The following GLIS3 variants were observed in gnomAD, a reference collection of about 807,000 sequenced individuals.
The protein encoded by GLIS3 is GLIS family zinc finger 3.
Under a neutral mutation model 78.6 loss-of-function variants are expected in GLIS3, and 53 were observed. The ratio of observed to expected loss-of-function variants is 0.67; its 90% CI spans 0.54 to 0.85. The LOEUF is 0.85. Among genes scored for constraint, GLIS3 ranks in the 40% least tolerant of loss-of-function variants. The pLI is 0.00. For synonymous variants in GLIS3, 684 were observed against 509.9 expected (o/e 1.34, Z -4.60); for missense variants, 1,703 against 1,231.1 (o/e 1.38, Z -5.74).
intron 4 of GLIS3, among the ~76,000 whole-genome samples, chr9:3,940,645 A>C (rs1815817278): frequency 1.3e-5 from 2 of 152,174 alleles, no homozygotes; most frequent in Non-Finnish European, 2.9e-5. Flanking sequence ...GAGAAACGTG[A>C]ACCAACAAAC....
chr9:3,936,871 G>T (rs1167442384), intron 5 of GLIS3, among the ~76,000 whole-genome samples, 157 bp downstream of exon 5: 2 of 152,094 alleles, frequency 1.3e-5, no homozygotes, highest in Admixed American at 6.5e-5. Flanking sequence ...AATAAATAGG[G>T]CCCCATCTGG....
intron 4 of GLIS3, among the ~76,000 whole-genome samples, chr9:4,001,673 A>G (rs1020845832): frequency 2.6e-4 from 39 of 152,220 alleles, no homozygotes; most frequent in African/African-American, 9.4e-4. Context: ...AGCTTCAGGC[A>G]TCTAAGTAAG....
rs550018050 is a variant in GLIS3 at position 4,054,455 on chromosome 9, G to A, written c.1710+63313C>T. On this transcript the variant is annotated intron_variant, in intron 4 of 10. Coordinates refer to ENST00000381971, the MANE Select transcript of GLIS3 (RefSeq NM_001042413.2). ...TTTGGCGAGAGTCACAGGAGGATGT[G>A]CTCTGGAGTGAATTCTTCAGTCAGG... The A allele has an allele frequency of 2.3e-5, 23 of 985,402 alleles. 1 individual carries two copies. In the South Asian group the frequency reaches 9.9e-4, roughly 42 times the overall value. The allele number at this position is 985,402 out of a possible 1,614,324, so 61.0% of individuals were successfully genotyped here.
chr9:3,972,526 T>G (rs895087615), intron 4 of GLIS3, among the ~76,000 whole-genome samples: 1 of 152,178 alleles, frequency 6.6e-6, no homozygotes, highest in Non-Finnish European at 1.5e-5. Flanking sequence ...CTTCCATATT[T>G]CTGGTTTCTT....
At position 4,125,728 on chromosome 9, in the gene GLIS3, T is replaced by G. The variant is rs772180668; in HGVS notation, c.596+6A>C. On this transcript the variant is annotated splice_donor_region_variant and intron_variant, in intron 3 of 10. Coordinates refer to ENST00000381971, the MANE Select transcript of GLIS3 (RefSeq NM_001042413.2). The stretch of plus-strand genomic sequence containing the variant: ...AAGAAAGGGGAAAAAAAAGTTAACT[T>G]GAGACCTGGTATCTGAAGGAGGTAT... 3.0e-5 allele frequency: 48 copies of G among 1,609,040 alleles called. No individual in the cohort carries two copies. The highest frequency in any genetic ancestry group is 4.4e-5 in the South Asian group (4 of 90,962).
the GLIS3 span, among the ~76,000 whole-genome samples, chr9:4,477,108 T>G: frequency 6.6e-6 from 1 of 152,244 alleles, no homozygotes; most frequent in Admixed American, 6.5e-5. Flanking sequence ...CAAATACTTG[T>G]ACGTCCATAT....
At chr9:4,168,154 ATCTTCTCTC>A (rs923085752) in intron 2 of GLIS3, among the ~76,000 whole-genome samples, 22 of 152,006 alleles carry the variant, frequency 1.4e-4, no homozygotes, top group South Asian at 6.2e-4. Flanking sequence ...TGCCTTTCTT[ATCTTCTCTC>A]TCTTCTCTCT....
At chr9:4,233,795 G>T (rs915848402) in intron 2 of GLIS3, among the ~76,000 whole-genome samples, 1 of 152,176 alleles carries the variant, frequency 6.6e-6, no homozygotes, top group Non-Finnish European at 1.5e-5. Flanking sequence ...TCTTCCAATA[G>T]AAGGCTGTTT....
chr9:4,282,212 G>A (rs1016125048), intron 2 of GLIS3, among the ~76,000 whole-genome samples: 4 of 152,092 alleles, frequency 2.6e-5, no homozygotes, highest in South Asian at 2.1e-4. Context: ...CTTAGCCGCC[G>A]TGTAAACTGT....
At chr9:3,864,311 A>C (rs1322296931) in intron 8 of GLIS3, among the ~76,000 whole-genome samples, 2 of 152,360 alleles carry the variant, frequency 1.3e-5, no homozygotes, top group Middle Eastern at 3.4e-3. Flanking sequence ...TAGATGAAAG[A>C]AAAACGTTCA....
At chr9:4,446,496 A>G in the GLIS3 span, among the ~76,000 whole-genome samples, 7 of 150,488 alleles carry the variant, frequency 4.7e-5, no homozygotes. Context: ...CAGCAGGAAA[A>G]TATCCAAATT....
intron 2 of GLIS3, among the ~76,000 whole-genome samples, chr9:4,219,342 T>C (rs1329786871): frequency 1.3e-5 from 2 of 152,248 alleles, no homozygotes; most frequent in Non-Finnish European, 2.9e-5. Context: ...TTAAACACTG[T>C]ATTCTTACTG....
chr9:4,084,835 C>G (rs969857626), intron 4 of GLIS3, among the ~76,000 whole-genome samples: 1 of 151,976 alleles, frequency 6.6e-6, no homozygotes, highest in African/African-American at 2.4e-5. Context: ...ATCTGTACAT[C>G]TCAATCCATG....
chr9:4,395,260 T>C, the GLIS3 span, among the ~76,000 whole-genome samples: 1 of 152,228 alleles, frequency 6.6e-6, no homozygotes, highest in Non-Finnish European at 1.5e-5. Context: ...ATAATATAAA[T>C]GTATTCATTG....
chr9:4,434,084 G>C, the GLIS3 span, among the ~76,000 whole-genome samples: 5 of 128,116 alleles, frequency 3.9e-5, no homozygotes, highest in African/African-American at 5.7e-5. Context: ...GACAGAGTGA[G>C]ACTCTGTCTC....
At chr9:4,343,784 G>C (rs1289866220) in intron 2 of GLIS3, among the ~76,000 whole-genome samples, 4 of 152,148 alleles carry the variant, frequency 2.6e-5, no homozygotes, top group African/African-American at 9.7e-5. Context: ...TGCAGCTGGA[G>C]GTCATTATCC....
intron 6 of GLIS3, among the ~76,000 whole-genome samples, chr9:3,909,840 G>T (rs1225018407): frequency 6.6e-6 from 1 of 152,196 alleles, no homozygotes; most frequent in South Asian, 2.1e-4. Flanking sequence ...CGATGGAAAG[G>T]TTCTGCACTG....
the GLIS3 span, among the ~76,000 whole-genome samples, chr9:4,366,029 G>T: frequency 6.6e-6 from 1 of 152,160 alleles, no homozygotes; most frequent in African/African-American, 2.4e-5. Flanking sequence ...GGAAGGAAAG[G>T]CCGTTGAAAA....
chr9:4,054,011 T>C (rs1263010712), intron 4 of GLIS3, among the ~76,000 whole-genome samples: 1 of 152,260 alleles, frequency 6.6e-6, no homozygotes, highest in Admixed American at 6.5e-5. Context: ...GTCAAGTTAC[T>C]CTTTGAATAG....
Sources: gnomAD v4.1 joint callset for allele counts (sites outside exome capture counted in the v4.1 genomes callset) on GRCh38, gnomAD v4.1.1 for gene constraint, MANE v1.5 for transcripts, NCBI Gene and HGNC (gene_info 2026-07-23, HGNC 2026-07-21) for gene names.